The following PIK3CA variants were observed in gnomAD, a reference collection of about 807,000 sequenced individuals.
PIK3CA encodes the protein phosphatidylinositol 4,5-bisphosphate 3-kinase catalytic subunit alpha isoform.
A neutral mutation model predicts 138.2 loss-of-function variants in PIK3CA; 27 were observed. The observed-to-expected ratio is 0.20, with a 90% CI of 0.14 to 0.27. PIK3CA has a LOEUF of 0.27. Among genes scored for constraint, PIK3CA ranks in the 10% least tolerant of loss-of-function variants. PIK3CA has a pLI of 1.00. For missense variants in PIK3CA, 544 were observed against 1,277.4 expected, an observed-to-expected ratio of 0.43 and a Z score of 8.75; for synonymous variants, 358 against 413.2, an observed-to-expected ratio of 0.87 and a Z score of 1.62.
intron 1 of PIK3CA, among the ~76,000 whole-genome samples, chr3:179,171,917 C>T (rs1206091813): frequency 6.6e-6 from 1 of 151,934 alleles, no homozygotes; most frequent in Non-Finnish European, 1.5e-5. Flanking sequence ...AAAGCCAACA[C>T]AAAGGCATCC....
chr3:179,229,553 A>T, intron 18 of PIK3CA, 111 bp downstream of exon 18: 1 of 668,366 alleles, frequency 1.5e-6, no homozygotes, highest in Middle Eastern at 3.6e-4. Flanking sequence ...TGTACTTTCT[A>T]TGGAAAAAAA....
chr3:179,200,985 T>C (rs1576933015), intron 3 of PIK3CA, among the ~76,000 whole-genome samples: 1 of 152,322 alleles, frequency 6.6e-6, no homozygotes, highest in South Asian at 2.1e-4. Context: ...TCACTATTCA[T>C]AGGGGCAGTA....
intron 1 of PIK3CA, among the ~76,000 whole-genome samples, chr3:179,175,870 A>G (rs899948985): frequency 1.3e-5 from 2 of 152,064 alleles, no homozygotes; most frequent in African/African-American, 4.8e-5. Context: ...TTAATATTGG[A>G]GACATTCCTC....
intron 1 of PIK3CA, among the ~76,000 whole-genome samples, chr3:179,197,134 G>GT (rs1724286834): frequency 6.6e-6 from 1 of 152,058 alleles, no homozygotes; most frequent in South Asian, 2.1e-4. Flanking sequence ...TGCCTCCCAG[G>GT]TTTAAGTGAT....
At chr3:179,169,862 GTTATC>G (rs1723507245) in intron 1 of PIK3CA, among the ~76,000 whole-genome samples, 1 of 152,188 alleles carries the variant, frequency 6.6e-6, no homozygotes, top group South Asian at 2.1e-4. Flanking sequence ...TAAAGTATTA[GTTATC>G]TTAAATAAAA....
chr3:179,210,671 A>T, intron 9 of PIK3CA, 106 bp downstream of exon 9: 1 of 1,081,614 alleles, frequency 9.2e-7, no homozygotes, highest in Non-Finnish European at 1.4e-6. Flanking sequence ...CATAGATACT[A>T]TGAACTCTAG....
intron 9 of PIK3CA, 46 bp downstream of exon 9, chr3:179,210,611 G>A (rs1724686910): frequency 2.6e-6 from 4 of 1,563,892 alleles, no homozygotes; most frequent in Non-Finnish European, 3.5e-6. Flanking sequence ...ATAATCTGTG[G>A]ATTTAGGTAG....
chr3:179,157,157 T>A (rs1451381354), intron 1 of PIK3CA, among the ~76,000 whole-genome samples: 3 of 152,198 alleles, frequency 2.0e-5, no homozygotes, highest in Non-Finnish European at 4.4e-5. Context: ...GAACCCTAAC[T>A]TTTATGCATA....
At chr3:179,167,664 G>A (rs1387901760) in intron 1 of PIK3CA, among the ~76,000 whole-genome samples, 1 of 151,936 alleles carries the variant, frequency 6.6e-6, no homozygotes, top group Non-Finnish European at 1.5e-5. Flanking sequence ...ATATAAAAAT[G>A]TTTCACTTTA....
At chr3:179,233,512 A>G in intron 20 of PIK3CA, 1 of 393,280 alleles carries the variant, frequency 2.5e-6, no homozygotes, top group Non-Finnish European at 4.5e-6. Context: ...CTAAAAAGAA[A>G]GTAATCCTTA....
chr3:179,202,362 G>T (rs543574208), intron 4 of PIK3CA, among the ~76,000 whole-genome samples: 1 of 152,138 alleles, frequency 6.6e-6, no homozygotes, highest in African/African-American at 2.4e-5. Flanking sequence ...GAGCCATTGC[G>T]CCCAGCCTAT....
chr3:179,186,642 G>A (rs1468356821), intron 1 of PIK3CA, among the ~76,000 whole-genome samples: 4 of 152,310 alleles, frequency 2.6e-5, no homozygotes, highest in East Asian at 1.9e-4. Context: ...TGGGAATTAC[G>A]AAGGACAATG....
chr3:179,228,265 A>C (rs1285785886), intron 17 of PIK3CA, among the ~76,000 whole-genome samples: 1 of 151,996 alleles, frequency 6.6e-6, no homozygotes. Flanking sequence ...AATATTAACA[A>C]TTGTGGTTTT....
At chr3:179,196,182 GTTAT>G (rs2108382891) in intron 1 of PIK3CA, among the ~76,000 whole-genome samples, 1 of 152,298 alleles carries the variant, frequency 6.6e-6, no homozygotes, top group African/African-American at 2.4e-5. Context: ...CCTGTGGGTT[GTTAT>G]TTATTATATA....
In PIK3CA at chr3:179,231,546, AT is replaced by A. The variant is rs758485366; in HGVS notation, c.2936+1172del. Among the ~76,000 whole-genome samples the A allele has an allele frequency of 1.0e-4, 14 of 140,438 alleles. No homozygotes were observed. The East Asian group carries it at 2.3e-3, about 23-fold the overall frequency. The allele number at this position is 140,438 out of a possible 152,430, so 92.1% of individuals were successfully genotyped here. ...GGTTTTAATTTGCATTTCCCTGATG[AT>A]TAATGATGTTGAGCATTTTTTCATG... On this transcript the variant is annotated intron_variant, in intron 20 of 20. Transcript: ENST00000263967.
intron 1 of PIK3CA, among the ~76,000 whole-genome samples, chr3:179,188,702 GA>G (rs1185429802): frequency 2.6e-5 from 4 of 152,000 alleles, no homozygotes; most frequent in African/African-American, 9.7e-5. Context: ...AATTAAATAA[GA>G]AAAATATTTA....
chr3:179,219,376 A>G lies in PIK3CA; in HGVS notation c.1746+99A>G. Reference sequence around the variant, plus strand: ...AAGTCCACATAAATAAATGAAATAGACTAATAGTAATATAGTGTAGAAAAA... The same window carrying G: ...AAGTCCACATAAATAAATGAAATAGGCTAATAGTAATATAGTGTAGAAAAA... On this transcript the variant is annotated intron_variant, in intron 11 of 20. Coordinates refer to ENST00000263967, the MANE Select transcript of PIK3CA (RefSeq NM_006218.4). This position sits in a 1 kb window ranked among gnomAD's most constrained non-coding sequence, Gnocchi z 4.2. 5 of 805,228 alleles carry G rather than the reference A, an allele frequency of 6.2e-6. No individual in the cohort carries two copies. Among genetic ancestry groups the G allele is most frequent in the Non-Finnish European group, 8.2e-6 (4 of 485,250 alleles). The allele number at this position is 805,228 out of a possible 1,614,324, so 49.9% of individuals were successfully genotyped here. A position where few individuals can be genotyped will look rare whatever the true frequency, so the allele number is the denominator to read the frequency against.
rs573263044 is a variant in PIK3CA at position 179,228,636 on chromosome 3, T to C, written c.2496-636T>C. Among the ~76,000 whole-genome samples, 3 of 152,202 alleles carry C rather than the reference T, an allele frequency of 2.0e-5. No homozygotes were observed. The South Asian group carries it at 6.2e-4, about 32-fold the overall frequency. ...ACAAAAGCATATATGAGAATCCAGCTGGGTACTATGAAGCCAGACATTTAA... is the reference window on the plus strand; with the variant it reads ...ACAAAAGCATATATGAGAATCCAGCCGGGTACTATGAAGCCAGACATTTAA... On this transcript the variant is annotated intron_variant, in intron 17 of 20. Transcript: ENST00000263967.
Position 179,210,218 on chromosome 3 carries a change from C to T in PIK3CA, c.1284C>T (p.Asn428=), listed in dbSNP as rs1269228681. The T allele has an allele frequency of 6.3e-7, 1 of 1,589,738 alleles. No homozygotes were observed. Among genetic ancestry groups the T allele is most frequent in the Admixed American group, 1.9e-5 (1 of 52,320 alleles). ...EHCPLAWGNI[N]LFDYTDTLVS... is the part of the protein sequence containing the mutation. Reference sequence around the variant, plus strand: ...GTCCATTGGCATGGGGAAATATAAACTTGTTTGATTACACAGACACTCTAG... The same window carrying T: ...GTCCATTGGCATGGGGAAATATAAATTTGTTTGATTACACAGACACTCTAG... Residue 428 remains asparagine (N), a synonymous_variant, in exon 8 of 21, where the codon AAC becomes AAT. Transcript: ENST00000263967.
Sources: allele counts gnomAD v4.1 joint callset (sites outside exome capture counted in the v4.1 genomes callset), GRCh38; gene constraint gnomAD v4.1.1; non-coding constraint Gnocchi (gnomAD v3.1); transcripts MANE v1.5; gene names NCBI Gene and HGNC (gene_info 2026-07-23, HGNC 2026-07-21).